The following RIPK4 variants were observed in gnomAD, a reference collection of about 807,000 sequenced individuals.
RIPK4 encodes the protein receptor-interacting serine/threonine-protein kinase 4.
Under a neutral mutation model 42.9 loss-of-function variants are expected in RIPK4, and 17 were observed. The ratio of observed to expected loss-of-function variants is 0.40; its 90% confidence interval spans 0.27 to 0.59. RIPK4 has a LOEUF of 0.59. Ranked by LOEUF, RIPK4 falls within the 20% of genes least tolerant of loss-of-function variation. The probability of loss-of-function intolerance (pLI) is 0.47; values close to 1 mark genes in which losing one functional copy is unlikely to be tolerated. For missense variants in RIPK4, 897 were observed against 1,104.4 expected (o/e 0.81, Z 2.66); for synonymous variants, 498 against 499.1 (o/e 1.00, Z 0.03).
rs910528742 is a variant in RIPK4 at position 41,740,507 on chromosome 21, G to C, written c.*331C>G. The stretch of plus-strand genomic sequence containing the variant: ...ACCCAAGGTGGCTCGCCTCAGGAGA[G>C]AGTGGATGCTTCCACGCCTGGGGCT... On this transcript the variant is annotated 3_prime_UTR_variant, in exon 8 of 8. Transcript: ENST00000332512. The C allele has an allele frequency of 2.8e-5, 9 of 320,844 alleles. No homozygotes were observed. In the Admixed American group the frequency reaches 3.7e-4, roughly 13 times the overall value. 19.9% of individuals were successfully genotyped at this position (320,844 alleles called of 1,614,324 possible). A position where few individuals can be genotyped will look rare whatever the true frequency, so the allele number is the denominator to read the frequency against.
At chr21:41,759,501 C>T (rs752671756) in intron 1 of RIPK4, among the ~76,000 whole-genome samples, 8 of 152,192 alleles carry the variant, frequency 5.3e-5, no homozygotes, top group Non-Finnish European at 8.8e-5. Context: ...TGTCCACACA[C>T]AGGCCACGCA....
intron 1 of RIPK4, 65 bp downstream of exon 1, chr21:41,766,795 G>C: frequency 4.6e-6 from 7 of 1,512,608 alleles, no homozygotes; most frequent in South Asian, 2.4e-5. Flanking sequence ...CCCGGGACCA[G>C]AGCACCCCGA....
Position 41,740,690 on chromosome 21 carries a change from C to T in RIPK4, c.*148G>A. The T allele has an allele frequency of 1.3e-6, 1 of 789,192 alleles. No individual in the cohort carries two copies. Among genetic ancestry groups the T allele is most frequent in the Non-Finnish European group, 2.0e-6 (1 of 512,388 alleles). 48.9% of individuals were successfully genotyped at this position (789,192 alleles called of 1,614,324 possible). A position where few individuals can be genotyped will look rare whatever the true frequency, so the allele number is the denominator to read the frequency against. ...GAGGGGACACTCCGGTCAGCAGCAG[C>T]CGCCTCCTGATGGCACCATGTCACC... is the stretch of plus-strand genomic sequence containing the variant. On this transcript the variant is annotated 3_prime_UTR_variant, in exon 8 of 8. Coordinates refer to ENST00000332512, the MANE Select transcript of RIPK4 (RefSeq NM_020639.3).
Position 41,766,953 on chromosome 21 carries a change from G to A in RIPK4, c.89C>T (p.Ser30Leu), listed in dbSNP as rs148725996. Residue 30 changes from serine to leucine, a missense_variant, in exon 1 of 8, where the codon TCG becomes TTG. Ser to Leu is a moderately radical substitution (Grantham distance 145). Coordinates refer to ENST00000332512, the MANE Select transcript of RIPK4 (RefSeq NM_020639.3). Reference sequence around the variant, plus strand: ...CTTGTACACCTGCCCGAAGCCGCCCGAGCCCACCTTCTCCCAGCCCGTGAA... The same window carrying A: ...CTTGTACACCTGCCCGAAGCCGCCCAAGCCCACCTTCTCCCAGCCCGTGAA... ...GEFTGWEKVGSGGFGQVYKVR... is the reference protein window; with the variant it reads ...GEFTGWEKVGLGGFGQVYKVR... 141 of 1,607,970 alleles carry A rather than the reference G, an allele frequency of 8.8e-5. No individual in the cohort carries two copies. In the African/African-American group the frequency reaches 1.7e-3, roughly 19 times the overall value.
chr21:41,760,015 A>C (rs926658004), intron 1 of RIPK4, among the ~76,000 whole-genome samples: 1 of 152,228 alleles, frequency 6.6e-6, no homozygotes, highest in Non-Finnish European at 1.5e-5. Flanking sequence ...TCACCCCCCA[A>C]GAAACACTGG....
intron 6 of RIPK4, among the ~76,000 whole-genome samples, chr21:41,744,798 G>A (rs112988174): frequency 0.011 from 1,722 of 152,290 alleles, 31 homozygotes; most frequent in African/African-American, 0.037. Flanking sequence ...GTGTGGGGAC[G>A]AGGGAAAGGG....
chr21:41,748,840 C>CA (rs2061179680), intron 4 of RIPK4, among the ~76,000 whole-genome samples: 1 of 152,170 alleles, frequency 6.6e-6, no homozygotes, highest in African/African-American at 2.4e-5. Flanking sequence ...TGGAATTAGA[C>CA]AGTGGTAACG....
rs901785272 is a variant in RIPK4 at position 41,742,181 on chromosome 21, C to T, written c.1196-184G>A. Among the ~76,000 whole-genome samples, 5 of 152,116 alleles carry T rather than the reference C, an allele frequency of 3.3e-5. No homozygotes were observed. Among genetic ancestry groups the T allele is most frequent in the African/African-American group, 1.2e-4 (5 of 41,422 alleles). On this transcript the variant is annotated intron_variant, in intron 7 of 7. Transcript: ENST00000332512. The surrounding 1 kb of genome is among the most constrained non-coding windows in gnomAD (Gnocchi z 5.1). Reference sequence around the variant, plus strand: ...ATTAAGGTCAGTCCTAGCGGGAGCCCCGGGGCAGGCTGGCGAATGTCTCCC... The same window carrying T: ...ATTAAGGTCAGTCCTAGCGGGAGCCTCGGGGCAGGCTGGCGAATGTCTCCC...
At chr21:41,747,104 G>A (rs2061174347) in intron 4 of RIPK4, among the ~76,000 whole-genome samples, 1 of 152,220 alleles carries the variant, frequency 6.6e-6, no homozygotes, top group Non-Finnish European at 1.5e-5. Context: ...AATATCTTAT[G>A]AGGCTCATTC....
chr21:41,764,857 G>C (rs1026169157), intron 1 of RIPK4, among the ~76,000 whole-genome samples: 1 of 152,202 alleles, frequency 6.6e-6, no homozygotes, highest in East Asian at 1.9e-4. Flanking sequence ...TACTCTACCA[G>C]GCCCAGCAGA....
intron 2 of RIPK4, among the ~76,000 whole-genome samples, chr21:41,754,526 A>G (rs1156231537): frequency 6.6e-6 from 1 of 152,174 alleles, no homozygotes; most frequent in African/African-American, 2.4e-5. Context: ...CTCCCTGAGA[A>G]AGCAGTTCCA....
intron 1 of RIPK4, among the ~76,000 whole-genome samples, chr21:41,759,894 G>C (rs2061215705): frequency 6.6e-6 from 1 of 152,204 alleles, no homozygotes. Context: ...ACATCGGACA[G>C]GTACCAAAGG....
rs202058421 is a variant in RIPK4 at position 41,756,584 on chromosome 21, G to C, written c.415C>G (p.Leu139Val). The C allele has an allele frequency of 2.9e-5, 46 of 1,611,812 alleles. No homozygotes were observed. In the African/African-American group the frequency reaches 5.6e-4, roughly 20 times the overall value. The change falls in exon 2 of 8, where the codon CTC (leucine) becomes GTC (valine). Residue 139 changes from leucine (L) to valine (V), a missense_variant. Coordinates refer to ENST00000332512, the MANE Select transcript of RIPK4 (RefSeq NM_020639.3). ...MNFLHCMAPPLLHLDLKPANI... is the reference protein window; with the variant it reads ...MNFLHCMAPPVLHLDLKPANI... ...GCGGGCTTGAGGTCCAGGTGCAGGA[G>C]TGGCGGGGCCATGCAGTGCAGGAAG... is the stretch of plus-strand genomic sequence containing the variant.
chr21:41,754,271 G>C (rs942405585), intron 2 of RIPK4, among the ~76,000 whole-genome samples: 1 of 152,156 alleles, frequency 6.6e-6, no homozygotes, highest in African/African-American at 2.4e-5. Context: ...CACACTCCCT[G>C]CTGCACTCTA....
intron 6 of RIPK4, among the ~76,000 whole-genome samples, chr21:41,745,342 T>G (rs1286457179): frequency 6.6e-6 from 1 of 152,132 alleles, no homozygotes; most frequent in African/African-American, 2.4e-5. Context: ...TCTTATCACA[T>G]CTGAAATCAC....
At chr21:41,759,588 G>A (rs1206379083) in intron 1 of RIPK4, among the ~76,000 whole-genome samples, 1 of 152,176 alleles carries the variant, frequency 6.6e-6, no homozygotes, top group Non-Finnish European at 1.5e-5. Flanking sequence ...CTATAACCCA[G>A]TGTCCGCTGC....
chr21:41,757,922 C>T (rs2061208783), intron 1 of RIPK4, among the ~76,000 whole-genome samples: 1 of 142,284 alleles, frequency 7.0e-6, no homozygotes, highest in African/African-American at 2.7e-5. Flanking sequence ...TCACTTGAAC[C>T]TGGGAGGCGG....
At chr21:41,756,189 G>A (rs966638531) in intron 2 of RIPK4, among the ~76,000 whole-genome samples, 8 of 152,182 alleles carry the variant, frequency 5.3e-5, no homozygotes, top group Non-Finnish European at 2.9e-5. Flanking sequence ...CCTGGCCCAC[G>A]GGCTGAATTC....
Position 41,741,929 on chromosome 21 carries a change from G to C in RIPK4, c.1264C>G (p.Leu422Val), listed in dbSNP as rs2061155912. 6.2e-7 allele frequency: 1 copy of C among 1,612,430 alleles called. No homozygotes were observed. Among genetic ancestry groups the C allele is most frequent in the Admixed American group, 1.7e-5 (1 of 59,978 alleles). ...DAIVSGDTSK[L>V]MKILQPQDVD... Reference sequence around the variant, plus strand: ...TCCTGCGGCTGCAGGATCTTCATCAGTTTGCTGGTGTCCCCGGACACGATG... The same window carrying C: ...TCCTGCGGCTGCAGGATCTTCATCACTTTGCTGGTGTCCCCGGACACGATG... The change falls in exon 8 of 8, where the codon CTG becomes GTG. Residue 422 changes from leucine to valine, a missense_variant. Physicochemically the swap from Leu to Val is conservative, Grantham distance 32 (BLOSUM62 1). Transcript: ENST00000332512.
Sources: allele counts gnomAD v4.1 joint callset (sites outside exome capture counted in the v4.1 genomes callset), GRCh38; gene constraint gnomAD v4.1.1; non-coding constraint Gnocchi (gnomAD v3.1); transcripts MANE v1.5; gene names NCBI Gene and HGNC (gene_info 2026-07-23, HGNC 2026-07-21).